The following TRIM9 variants were observed in gnomAD, a reference collection of about 807,000 sequenced individuals.
TRIM9 encodes E3 ubiquitin-protein ligase TRIM9.
In TRIM9, 26 loss-of-function variants were observed where a neutral mutation model predicts 78.3. That is an observed-to-expected ratio of 0.33 (90% CI 0.24 to 0.46). TRIM9 has a LOEUF of 0.46. TRIM9 is among the 20% of genes least tolerant of loss of function. TRIM9 has a pLI of 1.00. For missense variants in TRIM9, 787 were observed against 1,036.4 expected (o/e 0.76, Z 3.30); for synonymous variants, 398 against 416.5 (o/e 0.96, Z 0.54).
intron 5 of TRIM9, 33 bp downstream of exon 5, chr14:51,009,047 T>C (rs542723281): frequency 1.9e-6 from 3 of 1,609,806 alleles, no homozygotes; most frequent in African/African-American, 1.3e-5. Flanking sequence ...ACTCAGGATG[T>C]TGCTCTCTGA....
intron 1 of TRIM9, among the ~76,000 whole-genome samples, chr14:51,045,922 T>G (rs1382103265): frequency 2.0e-5 from 3 of 151,570 alleles, no homozygotes; most frequent in African/African-American, 2.4e-5. Flanking sequence ...CAACTTCAAT[T>G]CCATCAACAG....
chr14:51,015,345 A>C (rs182686657), intron 3 of TRIM9, among the ~76,000 whole-genome samples: 4 of 151,856 alleles, frequency 2.6e-5, no homozygotes, highest in Admixed American at 2.6e-4. Flanking sequence ...TGACACAACC[A>C]GAAGCAAGAC....
chr14:51,088,586 C>T (rs2063998530), intron 1 of TRIM9, among the ~76,000 whole-genome samples: 1 of 151,982 alleles, frequency 6.6e-6, no homozygotes, highest in East Asian at 1.9e-4. Context: ...CAGGACCTCC[C>T]TGTCTGGCCT....
At chr14:51,054,718 C>A (rs565220609) in intron 1 of TRIM9, among the ~76,000 whole-genome samples, 1 of 152,072 alleles carries the variant, frequency 6.6e-6, no homozygotes, top group Non-Finnish European at 1.5e-5. Context: ...GGACTACAGG[C>A]GCATGCCACT....
At chr14:51,011,315 T>C (rs993082920) in intron 3 of TRIM9, among the ~76,000 whole-genome samples, 2 of 152,198 alleles carry the variant, frequency 1.3e-5, no homozygotes, top group East Asian at 1.9e-4. Flanking sequence ...GAGGCATTTG[T>C]CATTTGTGTC....
intron 8 of TRIM9, among the ~76,000 whole-genome samples, chr14:50,983,997 G>A (rs1288232002): frequency 6.6e-6 from 1 of 152,204 alleles, no homozygotes; most frequent in East Asian, 1.9e-4. Context: ...TCTCACCTGA[G>A]GGAGGGGAGG....
rs2051066696 is a variant in TRIM9 at position 50,976,036 on chromosome 14, T to G, written c.*1255A>C. 1 of 152,616 alleles carries G rather than the reference T, an allele frequency of 6.6e-6. No individual in the cohort carries two copies. Among genetic ancestry groups the G allele is most frequent in the Admixed American group, 6.5e-5 (1 of 15,286 alleles). 9.5% of individuals were successfully genotyped at this position (152,616 alleles called of 1,614,324 possible). ...GTATATATGGAGACAAGCATGTTTA[T>G]CCTGAGAATGTGAATGCTGTGGACT... On this transcript the variant is annotated 3_prime_UTR_variant, in exon 13 of 13. Coordinates refer to ENST00000684578, the MANE Select transcript of TRIM9 (RefSeq NM_001387360.1).
chr14:51,075,528 T>G (rs1302809136), intron 1 of TRIM9, among the ~76,000 whole-genome samples: 3 of 152,164 alleles, frequency 2.0e-5, no homozygotes, highest in African/African-American at 7.2e-5. Flanking sequence ...TTACACAAAG[T>G]TTTCGGGAAC....
chr14:50,976,738 T>C lies in TRIM9; in HGVS notation c.*553A>G, dbSNP rs1436884150. 6.6e-6 allele frequency: 1 copy of C among 152,608 alleles called. No homozygotes were observed. 9.5% of individuals were successfully genotyped at this position (152,608 alleles called of 1,614,324 possible). A position where few individuals can be genotyped will look rare whatever the true frequency, so the allele number is the denominator to read the frequency against. On this transcript the variant is annotated 3_prime_UTR_variant, in exon 13 of 13. Coordinates refer to ENST00000684578, the MANE Select transcript of TRIM9 (RefSeq NM_001387360.1). ...AATGAGTAGTAAAACTTCTCAGTGA[T>C]AGATTCATTCTCCCAAAGCTTAGCT...
chr14:51,042,018 G>T (rs1422519236), intron 1 of TRIM9, among the ~76,000 whole-genome samples: 4 of 152,186 alleles, frequency 2.6e-5, no homozygotes, highest in South Asian at 2.1e-4. Flanking sequence ...TCGGAGTGAG[G>T]TGGCATCCTC....
chr14:51,078,730 G>A (rs2063034742), intron 1 of TRIM9, among the ~76,000 whole-genome samples: 1 of 152,186 alleles, frequency 6.6e-6, no homozygotes, highest in Non-Finnish European at 1.5e-5. Context: ...GAATAAAATA[G>A]TGGTTACCAT....
chr14:51,025,636 GATTA>G (rs1300009273), intron 1 of TRIM9, among the ~76,000 whole-genome samples: 2 of 152,130 alleles, frequency 1.3e-5, no homozygotes, highest in Non-Finnish European at 2.9e-5. Context: ...CTCCTTCATT[GATTA>G]ATTAAACAAT....
intron 1 of TRIM9, among the ~76,000 whole-genome samples, chr14:51,051,372 C>T (rs2060408860): frequency 6.6e-6 from 1 of 152,210 alleles, no homozygotes; most frequent in African/African-American, 2.4e-5. Flanking sequence ...CATTCCCTCT[C>T]TCTTTGGCCT....
chr14:51,037,670 CTT>C (rs1394851187), intron 1 of TRIM9, among the ~76,000 whole-genome samples: 9 of 151,596 alleles, frequency 5.9e-5, no homozygotes, highest in Non-Finnish European at 7.4e-5. Context: ...AAATTTATAA[CTT>C]AATACTGGAA....
At chr14:50,992,147 G>C (rs999911808) in intron 7 of TRIM9, among the ~76,000 whole-genome samples, 2 of 152,234 alleles carry the variant, frequency 1.3e-5, no homozygotes, top group African/African-American at 4.8e-5. Flanking sequence ...ATTTTGGCTA[G>C]AGGGATTAGA....
chr14:50,998,020 G>T (rs756567455), intron 7 of TRIM9, 30 bp downstream of exon 7: 4 of 1,613,362 alleles, frequency 2.5e-6, no homozygotes, highest in Non-Finnish European at 3.4e-6. Flanking sequence ...CGCAGTTCTC[G>T]CTCTGAGGGA....
At chr14:50,995,736 C>T (rs2054124319) in intron 7 of TRIM9, among the ~76,000 whole-genome samples, 1 of 151,960 alleles carries the variant, frequency 6.6e-6, no homozygotes, top group Non-Finnish European at 1.5e-5. Context: ...ACTAGAAAGC[C>T]AGAACGCACC....
chr14:50,982,269 ACT>A (rs916090577), intron 10 of TRIM9, 166 bp from the exon 11 acceptor site: 35 of 708,200 alleles, frequency 4.9e-5, no homozygotes, highest in Non-Finnish European at 6.5e-5. Flanking sequence ...GGGAGTTGGT[ACT>A]CTCTGCACCA....
At chr14:51,041,419 A>G (rs374384976) in intron 1 of TRIM9, among the ~76,000 whole-genome samples, 1 of 152,204 alleles carries the variant, frequency 6.6e-6, no homozygotes, top group Non-Finnish European at 1.5e-5. Flanking sequence ...GCTGCAGCCC[A>G]CTCTGCTCCT....
Sources: gnomAD v4.1 joint callset for allele counts (sites outside exome capture counted in the v4.1 genomes callset) on GRCh38, gnomAD v4.1.1 for gene constraint, MANE v1.5 for transcripts, NCBI Gene and HGNC (gene_info 2026-07-23, HGNC 2026-07-21) for gene names.